Variants in PCDH11X observed in about 807,000 individuals in gnomAD.
The protein encoded by PCDH11X is protocadherin-11 X-linked.
In PCDH11X, 18 loss-of-function variants were observed where a neutral mutation model predicts 53.3. The ratio of observed to expected loss-of-function variants is 0.34; its 90% CI spans 0.23 to 0.50. The LOEUF is 0.50. Ranked by LOEUF, PCDH11X falls within the 20% of genes least tolerant of loss-of-function variation. The probability of loss-of-function intolerance (pLI) is 0.98; values close to 1 mark genes in which losing one functional copy is unlikely to be tolerated. For synonymous variants in PCDH11X, 279 were observed against 393.3 expected, an observed-to-expected ratio of 0.71 and a Z score of 3.44; for missense variants, 570 against 1,032.4, an observed-to-expected ratio of 0.55 and a Z score of 6.14.
intron 9 of PCDH11X, among the ~76,000 whole-genome samples, chrX:92,401,322 T>G (rs1453193505): frequency 2.7e-5 from 3 of 110,074 alleles, no homozygotes; most frequent in Non-Finnish European, 5.7e-5. Flanking sequence ...GCAAACTAAC[T>G]CTCAACAGGA....
chrX:92,186,327 A>G (rs1044301552), intron 6 of PCDH11X, among the ~76,000 whole-genome samples: 2 of 112,021 alleles, frequency 1.8e-5, no homozygotes, highest in Non-Finnish European at 3.8e-5. Context: ...TCGTAGAAGT[A>G]GAGAGTAGAA....
intron 8 of PCDH11X, among the ~76,000 whole-genome samples, chrX:92,329,582 C>T (rs748014020): frequency 8.9e-6 from 1 of 111,741 alleles, no homozygotes; most frequent in African/African-American, 3.2e-5. Context: ...ACTTAAGTGT[C>T]TATCAACAGA....
At chrX:92,453,931 G>A (rs1329430546) in intron 9 of PCDH11X, among the ~76,000 whole-genome samples, 3 of 106,480 alleles carry the variant, frequency 2.8e-5, no homozygotes, top group Non-Finnish European at 5.8e-5. Context: ...TAATAGTTCC[G>A]GTGGGCTGAT....
chrX:92,248,008 G>T (rs2067383827), intron 7 of PCDH11X, among the ~76,000 whole-genome samples: 1 of 111,629 alleles, frequency 9.0e-6, no homozygotes, highest in Admixed American at 9.5e-5. Context: ...GCTTTGTCTT[G>T]AACTTCACTT....
At chrX:91,950,460 C>T (rs937252960) in intron 6 of PCDH11X, among the ~76,000 whole-genome samples, 3 of 105,762 alleles carry the variant, frequency 2.8e-5, no homozygotes, top group Non-Finnish European at 5.8e-5. Context: ...ACCAGTTCTA[C>T]CCAAGTTGCT....
chrX:92,426,339 A>G (rs1182461601), intron 9 of PCDH11X, among the ~76,000 whole-genome samples: 2 of 97,993 alleles, frequency 2.0e-5, no homozygotes, highest in African/African-American at 7.5e-5. Context: ...GCTGCAAGCA[A>G]TTTGAAACAT....
chrX:92,205,571 G>A (rs183015620), intron 7 of PCDH11X, among the ~76,000 whole-genome samples: 41 of 106,033 alleles, frequency 3.9e-4, no homozygotes, highest in African/African-American at 1.3e-3. Flanking sequence ...ACTTTTCCTC[G>A]ATGAATAAGA....
At chrX:92,486,035 A>C (rs1198184399) in intron 10 of PCDH11X, among the ~76,000 whole-genome samples, 1 of 110,590 alleles carries the variant, frequency 9.0e-6, no homozygotes, top group Non-Finnish European at 1.9e-5. Context: ...ATCAAGAAAC[A>C]TGAATTATTT....
chrX:92,429,890 CAG>C (rs1327734845), intron 9 of PCDH11X, among the ~76,000 whole-genome samples: 1 of 103,916 alleles, frequency 9.6e-6, no homozygotes, highest in Non-Finnish European at 2.0e-5. Flanking sequence ...TGTTAAACAA[CAG>C]AGAAATAAGC....
At chrX:92,265,633 A>G (rs2067813850) in intron 8 of PCDH11X, among the ~76,000 whole-genome samples, 1 of 111,502 alleles carries the variant, frequency 9.0e-6, no homozygotes, top group Non-Finnish European at 1.9e-5. Flanking sequence ...ATGTGTATAC[A>G]CATATATATA....
chrX:92,134,708 G>A (rs1165717008), intron 6 of PCDH11X, among the ~76,000 whole-genome samples: 1 of 111,116 alleles, frequency 9.0e-6, no homozygotes, highest in African/African-American at 3.3e-5. Context: ...CAAATGGTGG[G>A]TTATTCATGT....
At chrX:91,962,084 C>A (rs1187443994) in intron 6 of PCDH11X, among the ~76,000 whole-genome samples, 1 of 104,396 alleles carries the variant, frequency 9.6e-6, no homozygotes, top group Non-Finnish European at 2.0e-5. Flanking sequence ...TGTCATTCCA[C>A]CCCGGCCCCT....
chrX:92,323,746 C>T (rs1281080300), intron 8 of PCDH11X, among the ~76,000 whole-genome samples: 1 of 110,399 alleles, frequency 9.1e-6, no homozygotes, highest in Non-Finnish European at 1.9e-5. Flanking sequence ...CTCCCCAAGA[C>T]CACCTCCCTC....
chrX:92,097,135 G>A (rs1215479338), intron 6 of PCDH11X, among the ~76,000 whole-genome samples: 1 of 110,834 alleles, frequency 9.0e-6, no homozygotes, highest in East Asian at 2.8e-4. Context: ...AAAAAGTCAG[G>A]GACCACGCAT....
intron 6 of PCDH11X, among the ~76,000 whole-genome samples, chrX:91,958,105 G>T (rs978885313): frequency 2.7e-5 from 3 of 111,266 alleles, no homozygotes; most frequent in African/African-American, 9.9e-5. Context: ...TGGACCATCT[G>T]TATTCTCCAC....
At chrX:92,531,426 C>T (rs1055204291) in intron 10 of PCDH11X, among the ~76,000 whole-genome samples, 22 of 110,802 alleles carry the variant, frequency 2.0e-4, no homozygotes, top group African/African-American at 4.6e-4. Flanking sequence ...GTGTGAAGAC[C>T]GTTAGTGAAT....
chrX:91,981,700 G>A (rs2062141705), intron 6 of PCDH11X, among the ~76,000 whole-genome samples: 1 of 110,164 alleles, frequency 9.1e-6, no homozygotes, highest in African/African-American at 3.3e-5. Flanking sequence ...CACAATCATA[G>A]TGGAAGGCAA....
intron 10 of PCDH11X, among the ~76,000 whole-genome samples, chrX:92,508,933 G>A (rs2074115715): frequency 9.6e-6 from 1 of 104,302 alleles, no homozygotes; most frequent in South Asian, 4.6e-4. Flanking sequence ...AAAACAAAAG[G>A]TCTGGTATTA....
At chrX:92,483,023 A>G (rs1197918186) in intron 10 of PCDH11X, among the ~76,000 whole-genome samples, 2 of 107,371 alleles carry the variant, frequency 1.9e-5, no homozygotes, top group Non-Finnish European at 3.9e-5. Context: ...ATTTTAGTGT[A>G]TGAGGTATTT....
Sources: gnomAD v4.1 joint callset for allele counts (sites outside exome capture counted in the v4.1 genomes callset) on GRCh38, gnomAD v4.1.1 for gene constraint, MANE v1.5 for transcripts, NCBI Gene and HGNC (gene_info 2026-07-23, HGNC 2026-07-21) for gene names.